Variants in ARHGEF26 observed in about 807,000 individuals in gnomAD.
The protein encoded by ARHGEF26 is Rho guanine nucleotide exchange factor (GEF) 26.
A neutral mutation model predicts 89.4 loss-of-function variants in ARHGEF26; 59 were observed. The ratio of observed to expected loss-of-function variants is 0.66; its 90% confidence interval spans 0.54 to 0.82. The LOEUF (loss-of-function observed/expected upper bound fraction) is 0.82. Ranked by LOEUF, ARHGEF26 falls within the 40% of genes least tolerant of loss-of-function variation. The pLI, the probability that ARHGEF26 is intolerant of heterozygous loss-of-function variation, is 0.00. For synonymous variants in ARHGEF26, 500 were observed against 428.4 expected, an observed-to-expected ratio of 1.17 and a Z score of -2.06; for missense variants, 1,234 against 1,085.6, an observed-to-expected ratio of 1.14 and a Z score of -1.92.
intron 4 of ARHGEF26, among the ~76,000 whole-genome samples, chr3:154,136,925 T>C (rs1277587266): frequency 1.3e-5 from 2 of 152,218 alleles, no homozygotes; most frequent in Non-Finnish European, 2.9e-5. Context: ...TTTTTATAAC[T>C]GGCTCACATT....
At chr3:154,213,080 G>A (rs1715478776) in intron 9 of ARHGEF26, among the ~76,000 whole-genome samples, 1 of 152,120 alleles carries the variant, frequency 6.6e-6, no homozygotes, top group South Asian at 2.1e-4. Context: ...ACATCCACCA[G>A]TAGTATTTCA....
At chr3:154,187,197 A>T (rs991603454) in intron 6 of ARHGEF26, 7 of 984,404 alleles carry the variant, frequency 7.1e-6, no homozygotes, top group African/African-American at 1.8e-5. Flanking sequence ...CTGGCCTCAG[A>T]CTTATTTTTT....
At chr3:154,121,912 GCA>G (rs1717950014) in intron 1 of ARHGEF26, 28 bp from the exon 2 acceptor site, 1 of 1,500,040 alleles carries the variant, frequency 6.7e-7, no homozygotes, top group African/African-American at 1.4e-5. Flanking sequence ...TTGTCCAGAG[GCA>G]CAGTTTCCTA....
In ARHGEF26 at chr3:154,254,834, A is replaced by G; in HGVS notation, c.2473+10A>G. 6.2e-7 allele frequency: 1 copy of G among 1,611,652 alleles called. No homozygotes were observed. Among genetic ancestry groups the G allele is most frequent in the Non-Finnish European group, 8.5e-7 (1 of 1,178,538 alleles). On this transcript the variant is annotated intron_variant, in intron 14 of 14. Transcript: ENST00000465093. ...CAACGTGTCAGCGATGGTGAGTGGG[A>G]GCGTTCTTATGGGACACTCGTGGTC...
In ARHGEF26 at chr3:154,256,967, C is replaced by T. The variant is rs1244818888; in HGVS notation, c.*1494C>T. 1.2e-5 allele frequency: 19 copies of T among 1,527,886 alleles called. No individual in the cohort carries two copies. Among genetic ancestry groups the T allele is most frequent in the African/African-American group, 2.8e-5 (2 of 72,498 alleles). The allele number at this position is 1,527,886 out of a possible 1,614,324, so 94.6% of individuals were successfully genotyped here. On this transcript the variant is annotated 3_prime_UTR_variant, in exon 15 of 15. Transcript: ENST00000465093. ...TGATTTTTACTGGCAGCTATATTCC[C>T]TCTCTGTTCTATTTGCTTTAACAAA...
At chr3:154,137,587 C>T (rs1719089317) in intron 4 of ARHGEF26, among the ~76,000 whole-genome samples, 2 of 152,072 alleles carry the variant, frequency 1.3e-5, no homozygotes, top group South Asian at 4.1e-4. Flanking sequence ...TGTATGTGGT[C>T]TTGCTTTTTA....
intron 9 of ARHGEF26, among the ~76,000 whole-genome samples, chr3:154,195,019 G>A (rs1576762848): frequency 6.6e-6 from 1 of 152,324 alleles, no homozygotes; most frequent in Non-Finnish European, 1.5e-5. Flanking sequence ...ACTGTGCCAA[G>A]AATGATGCCA....
In ARHGEF26 at chr3:154,123,059, G is replaced by A; in HGVS notation, c.1067G>A (p.Ser356Asn). 1 of 1,613,924 alleles carries A rather than the reference G, an allele frequency of 6.2e-7. No homozygotes were observed. Among genetic ancestry groups the A allele is most frequent in the Non-Finnish European group, 8.5e-7 (1 of 1,179,860 alleles). Reference protein sequence around the residue: ...VVMEDKEKFSSLGRIKKKMLK... With the variant: ...VVMEDKEKFSNLGRIKKKMLK... ...ATGGAAGACAAGGAGAAGTTTTCCA[G>A]TCTGGGAAGGATAAAGGTAAAAGTG... Residue 356 changes from serine (S) to asparagine (N), a missense_variant, in exon 2 of 15, where the codon AGT becomes AAT. Transcript: ENST00000465093.
chr3:154,154,259 C>G (rs1720194276), intron 6 of ARHGEF26, among the ~76,000 whole-genome samples: 1 of 151,938 alleles, frequency 6.6e-6, no homozygotes, highest in Non-Finnish European at 1.5e-5. Flanking sequence ...ATTCCTGCTC[C>G]AGGCCTGGAA....
chr3:154,181,961 G>A (rs142866802), intron 6 of ARHGEF26, among the ~76,000 whole-genome samples: 1,592 of 151,852 alleles, frequency 0.01, 25 homozygotes, highest in African/African-American at 0.036. Flanking sequence ...ATTTGTTTAT[G>A]TATTCACTGA....
intron 10 of ARHGEF26, among the ~76,000 whole-genome samples, chr3:154,218,490 CA>C (rs1715918142): frequency 6.6e-6 from 1 of 151,980 alleles, no homozygotes; most frequent in African/African-American, 2.4e-5. Flanking sequence ...ACAAGATGAA[CA>C]AAAAAGAAGA....
intron 12 of ARHGEF26, among the ~76,000 whole-genome samples, chr3:154,252,737 T>G (rs1458331455): frequency 6.6e-6 from 1 of 152,118 alleles, no homozygotes; most frequent in Non-Finnish European, 1.5e-5. Context: ...GCAGAGAAAT[T>G]AGTAGGATTT....
chr3:154,161,587 T>C (rs1319947895), intron 6 of ARHGEF26, among the ~76,000 whole-genome samples: 2 of 152,204 alleles, frequency 1.3e-5, no homozygotes, highest in Non-Finnish European at 2.9e-5. Flanking sequence ...AATATATGCC[T>C]CTGCCAGCAT....
chr3:154,168,352 G>A (rs2108132930), intron 6 of ARHGEF26, among the ~76,000 whole-genome samples: 1 of 152,196 alleles, frequency 6.6e-6, no homozygotes, highest in East Asian at 1.9e-4. Flanking sequence ...GGGGGTGGGT[G>A]GATTGCTTGA....
Position 154,122,212 on chromosome 3 carries a change from A to G in ARHGEF26, c.220A>G (p.Ser74Gly). 6.2e-7 allele frequency: 1 copy of G among 1,606,930 alleles called. No individual in the cohort carries two copies. Reference protein sequence around the residue: ...IPAQVPTASDSRTVHRSPLLL... With the variant: ...IPAQVPTASDGRTVHRSPLLL... ...CGCCCAGGTGCCCACCGCCTCGGAC[A>G]GCAGGACGGTACATAGGAGCCCCCT... The change falls in exon 2 of 15, where the codon AGC becomes GGC. Residue 74 changes from serine (S) to glycine (G), a missense_variant. Ser to Gly is a moderately conservative substitution (Grantham distance 56, BLOSUM62 0). Transcript: ENST00000465093.
At position 154,122,628 on chromosome 3, in the gene ARHGEF26, A is replaced by T. The variant is rs758164975; in HGVS notation, c.636A>T (p.Glu212Asp). The change falls in exon 2 of 15, where the codon GAA becomes GAT. Residue 212 changes from glutamate (E) to aspartate (D), a missense_variant. Glu to Asp is a conservative substitution (Grantham distance 45, BLOSUM62 2). Coordinates refer to ENST00000465093, the MANE Select transcript of ARHGEF26 (RefSeq NM_015595.4). ...CTGGGCCCCAGAAAAGTTCTTCGGA[A>T]CAAAAACTCCCCCTCCAAAGGCTGC... ...LFPGPQKSSSEQKLPLQRLPS... is the reference protein window; with the variant it reads ...LFPGPQKSSSDQKLPLQRLPS... 1.2e-6 allele frequency: 2 copies of T among 1,613,694 alleles called. No homozygotes were observed. The highest frequency in any genetic ancestry group is 1.7e-6 in the Non-Finnish European group (2 of 1,179,900).
intron 9 of ARHGEF26, 57 bp from the exon 10 acceptor site, chr3:154,217,812 T>C: frequency 7.4e-7 from 1 of 1,350,290 alleles, no homozygotes; most frequent in Non-Finnish European, 1.0e-6. Context: ...GTTCTGCTTT[T>C]GAAAGTGAGG....
At chr3:154,247,100 A>C (rs762815589) in intron 12 of ARHGEF26, among the ~76,000 whole-genome samples, 1 of 152,058 alleles carries the variant, frequency 6.6e-6, no homozygotes, top group Non-Finnish European at 1.5e-5. Flanking sequence ...TTGACCATCC[A>C]GCTCTTTCAT....
In ARHGEF26 at chr3:154,146,678, CATT is replaced by C. The variant is rs371101752; in HGVS notation, c.1270-2709_1270-2707del. Among the ~76,000 whole-genome samples, 29 of 152,324 alleles carry C rather than the reference CATT, an allele frequency of 1.9e-4. No individual in the cohort carries two copies. The East Asian group carries it at 5.0e-3, about 26-fold the overall frequency. ...AATTATGAATTTAAAACTATTATAA[CATT>C]AGCAAGTTCTATGCATTCACTATCT... On this transcript the variant is annotated intron_variant, in intron 4 of 14. Transcript: ENST00000465093.
Sources: gnomAD v4.1 joint callset for allele counts (sites outside exome capture counted in the v4.1 genomes callset) on GRCh38, gnomAD v4.1.1 for gene constraint, MANE v1.5 for transcripts, NCBI Gene and HGNC (gene_info 2026-07-23, HGNC 2026-07-21) for gene names.